The following SORT1 variants were observed in gnomAD, a reference collection of about 807,000 sequenced individuals.
The protein encoded by SORT1 is sortilin 1, also known as sortilin.
SORT1 carries 39 observed loss-of-function variants against 101.7 expected under a neutral mutation model. The observed-to-expected ratio is 0.38, with a 90% confidence interval of 0.30 to 0.50. The LOEUF (loss-of-function observed/expected upper bound fraction) is 0.50, where lower values mean the gene tolerates loss of function less well. Ranked by LOEUF, SORT1 falls within the 20% of genes least tolerant of loss-of-function variation. SORT1 has a pLI of 0.90. For synonymous variants in SORT1, 396 were observed against 393.7 expected (o/e 1.01, Z -0.07); for missense variants, 878 against 1,040.4 (o/e 0.84, Z 2.15).
chr1:109,375,935 T>TCACA (rs141576944), intron 1 of SORT1, among the ~76,000 whole-genome samples: 1 of 151,420 alleles, frequency 6.6e-6, no homozygotes, highest in African/African-American at 2.4e-5. Context: ...TACTAAAACA[T>TCACA]CACACACACA....
chr1:109,387,591 C>A (rs1024157352), intron 1 of SORT1, among the ~76,000 whole-genome samples: 1 of 152,100 alleles, frequency 6.6e-6, no homozygotes, highest in Non-Finnish European at 1.5e-5. Context: ...AACCAGATGA[C>A]CAGGTATCTG....
intron 1 of SORT1, among the ~76,000 whole-genome samples, chr1:109,395,067 A>G (rs542323039): frequency 2.6e-5 from 4 of 152,188 alleles, no homozygotes; most frequent in African/African-American, 7.2e-5. Context: ...CTACATAACA[A>G]TTCTTGGTTA....
At chr1:109,341,112 T>C (rs773045971) in intron 9 of SORT1, among the ~76,000 whole-genome samples, 43 of 152,314 alleles carry the variant, frequency 2.8e-4, no homozygotes, top group Non-Finnish European at 5.0e-4. Context: ...GCTGAGTTTG[T>C]TGAATAAATT....
chr1:109,388,957 C>T (rs1175430528), intron 1 of SORT1, among the ~76,000 whole-genome samples: 2 of 152,212 alleles, frequency 1.3e-5, no homozygotes, highest in Non-Finnish European at 1.5e-5. Context: ...AAAACCACTA[C>T]ATACACGTCT....
chr1:109,372,685 G>A (rs1651556070), intron 1 of SORT1, among the ~76,000 whole-genome samples: 1 of 152,000 alleles, frequency 6.6e-6, no homozygotes, highest in Non-Finnish European at 1.5e-5. Context: ...TTGGGAGGCC[G>A]AGACAGGCGG....
chr1:109,359,533 CTT>C (rs1366305223), intron 3 of SORT1, among the ~76,000 whole-genome samples: 2 of 152,122 alleles, frequency 1.3e-5, no homozygotes, highest in African/African-American at 2.4e-5. Context: ...GAGTTCCACT[CTT>C]GTTACCCAGG....
intron 3 of SORT1, among the ~76,000 whole-genome samples, chr1:109,358,731 G>A (rs1048721528): frequency 6.6e-6 from 1 of 152,140 alleles, no homozygotes; most frequent in Non-Finnish European, 1.5e-5. Flanking sequence ...GCACGCGCCT[G>A]AAATCCCTGC....
chr1:109,388,135 A>G (rs1299066436), intron 1 of SORT1, among the ~76,000 whole-genome samples: 2 of 150,076 alleles, frequency 1.3e-5, no homozygotes, highest in East Asian at 4.0e-4. Context: ...AGATGCGATC[A>G]CAGTGTCCTA....
intron 15 of SORT1, among the ~76,000 whole-genome samples, chr1:109,319,307 G>T (rs1460438264): frequency 1.3e-5 from 2 of 151,980 alleles, no homozygotes; most frequent in African/African-American, 4.8e-5. Flanking sequence ...CAATCTCCAG[G>T]GCTGACTCCA....
intron 11 of SORT1, among the ~76,000 whole-genome samples, chr1:109,334,679 C>T (rs1315028613): frequency 6.6e-6 from 1 of 152,040 alleles, no homozygotes; most frequent in Non-Finnish European, 1.5e-5. Flanking sequence ...ATGTTCTCAC[C>T]ACACACACAA....
intron 5 of SORT1, among the ~76,000 whole-genome samples, chr1:109,351,965 G>GGTGTGTGTGTGTGTGTGTGTGT (rs10540637): frequency 2.0e-4 from 29 of 147,510 alleles, no homozygotes; most frequent in African/African-American, 7.3e-4. Flanking sequence ...GAGAGGTAGG[G>GGTGTGTGTGTGTGTGTGTGTGT]GTGTGTGTGT....
In SORT1 at chr1:109,367,371, C is replaced by A. The variant is rs755026051; in HGVS notation, c.440+37G>T. 4 of 1,176,820 alleles carry A rather than the reference C, an allele frequency of 3.4e-6. No individual in the cohort carries two copies. The African/African-American group carries it at 6.1e-5, about 18-fold the overall frequency. 72.9% of individuals were successfully genotyped at this position (1,176,820 alleles called of 1,614,324 possible). A position where few individuals can be genotyped will look rare whatever the true frequency, so the allele number is the denominator to read the frequency against. On this transcript the variant is annotated intron_variant, in intron 3 of 19. Coordinates refer to ENST00000256637, the MANE Select transcript of SORT1 (RefSeq NM_002959.7). ...GGGAGAATCTATATTCTCAATGTTACTTAGTGAAATGCTCCAACGCGTGTT... is the reference window on the plus strand; with the variant it reads ...GGGAGAATCTATATTCTCAATGTTAATTAGTGAAATGCTCCAACGCGTGTT...
In SORT1 at chr1:109,313,829, C is replaced by G; in HGVS notation, c.*214G>C. 1.8e-6 allele frequency: 1 copy of G among 553,212 alleles called. No individual in the cohort carries two copies. Among genetic ancestry groups the G allele is most frequent in the Middle Eastern group, 4.8e-4 (1 of 2,078 alleles). The allele number at this position is 553,212 out of a possible 1,614,324, so 34.3% of individuals were successfully genotyped here. On this transcript the variant is annotated 3_prime_UTR_variant, in exon 20 of 20. Coordinates refer to ENST00000256637, the MANE Select transcript of SORT1 (RefSeq NM_002959.7). Reference sequence around the variant, plus strand: ...GAAGTTAAAGAATTTAAAATGTCTCCCTTTTTCTCAGAGCCAATTGTAAAA... The same window carrying G: ...GAAGTTAAAGAATTTAAAATGTCTCGCTTTTTCTCAGAGCCAATTGTAAAA...
chr1:109,377,639 C>T (rs1484145338), intron 1 of SORT1, among the ~76,000 whole-genome samples: 16 of 152,278 alleles, frequency 1.1e-4, no homozygotes, highest in Admixed American at 3.3e-4. Context: ...GCCCTGAACA[C>T]GTCGAAGTGT....
At chr1:109,320,491 A>T (rs550478608) in intron 15 of SORT1, among the ~76,000 whole-genome samples, 2 of 151,976 alleles carry the variant, frequency 1.3e-5, no homozygotes, top group Non-Finnish European at 2.9e-5. Flanking sequence ...CTTCCAGGAC[A>T]CCCTTCCTTG....
chr1:109,342,460 T>C (rs1241296284), intron 8 of SORT1, among the ~76,000 whole-genome samples: 2 of 152,200 alleles, frequency 1.3e-5, no homozygotes, highest in East Asian at 3.8e-4. Flanking sequence ...CCTCCTTCAG[T>C]AGAGCTAAGG....
Position 109,393,041 on chromosome 1 carries a change from G to T in SORT1, c.306+4546C>A, listed in dbSNP as rs1189972243. 7 of 985,318 alleles carry T rather than the reference G, an allele frequency of 7.1e-6. No homozygotes were observed. In the African/African-American group the frequency reaches 1.2e-4, roughly 17 times the overall value. The allele number at this position is 985,318 out of a possible 1,614,324, so 61.0% of individuals were successfully genotyped here. On this transcript the variant is annotated intron_variant, in intron 1 of 19. Coordinates refer to ENST00000256637, the MANE Select transcript of SORT1 (RefSeq NM_002959.7). ...AAAGGACTGACCTTCAGACTTCCGG[G>T]TGTTACAAAGGTCTGGCGATTCACA... is the stretch of plus-strand genomic sequence containing the variant.
At chr1:109,325,604 T>C (rs1647955194) in intron 13 of SORT1, among the ~76,000 whole-genome samples, 1 of 152,142 alleles carries the variant, frequency 6.6e-6, no homozygotes, top group South Asian at 2.1e-4. Flanking sequence ...AGAGAGAATA[T>C]GAAAGTAAAT....
chr1:109,392,997 T>C, intron 1 of SORT1: 6 of 985,448 alleles, frequency 6.1e-6, no homozygotes, highest in Non-Finnish European at 7.2e-6. Context: ...ATGAGGCAGT[T>C]AGGAAGTTCC....
Sources: allele counts gnomAD v4.1 joint callset (sites outside exome capture counted in the v4.1 genomes callset), GRCh38; gene constraint gnomAD v4.1.1; transcripts MANE v1.5; gene names NCBI Gene and HGNC (gene_info 2026-07-23, HGNC 2026-07-21).